The following BAZ2B variants were observed in gnomAD, a reference collection of about 807,000 sequenced individuals.
BAZ2B encodes the protein bromodomain adjacent to zinc finger domain protein 2B.
BAZ2B carries 91 observed loss-of-function variants against 246.0 expected under a neutral mutation model. The ratio of observed to expected loss-of-function variants is 0.37; its 90% CI spans 0.31 to 0.44. The LOEUF is 0.44. Among genes scored for constraint, BAZ2B ranks in the 20% least tolerant of loss-of-function variants. The probability of loss-of-function intolerance (pLI) is 1.00; values close to 1 mark genes in which losing one functional copy is unlikely to be tolerated. For missense variants in BAZ2B, 2,332 were observed against 2,533.7 expected (o/e 0.92, Z 1.71); for synonymous variants, 855 against 860.0 (o/e 0.99, Z 0.10).
At chr2:159,651,991 A>G in the BAZ2B span, among the ~76,000 whole-genome samples, 1 of 152,176 alleles carries the variant, frequency 6.6e-6, no homozygotes, top group African/African-American at 2.4e-5. Flanking sequence ...TATGAATAAT[A>G]CTGCTATAAA....
intron 27 of BAZ2B, among the ~76,000 whole-genome samples, chr2:159,351,911 A>G (rs2149174117): frequency 6.6e-6 from 1 of 152,296 alleles, no homozygotes; most frequent in African/African-American, 2.4e-5. Flanking sequence ...TTCAATCTCT[A>G]TTTCTACACT....
intron 9 of BAZ2B, among the ~76,000 whole-genome samples, chr2:159,431,377 A>T (rs2071081124): frequency 3.3e-5 from 5 of 152,230 alleles, no homozygotes; most frequent in Admixed American, 3.3e-4. Context: ...TCAACACTTT[A>T]AACAGTTCTC....
chr2:159,401,614 A>G (rs1484887259), intron 16 of BAZ2B, among the ~76,000 whole-genome samples: 1 of 152,178 alleles, frequency 6.6e-6, no homozygotes, highest in African/African-American at 2.4e-5. Context: ...ATTAATTATA[A>G]TTTAACATTC....
chr2:159,600,232 C>T (rs1691823638), intron 1 of BAZ2B, among the ~76,000 whole-genome samples: 1 of 152,050 alleles, frequency 6.6e-6, no homozygotes, highest in Non-Finnish European at 1.5e-5. Flanking sequence ...TAAGCCATAC[C>T]TCATGAGACC....
At chr2:159,582,029 T>C (rs1333460973) in intron 1 of BAZ2B, among the ~76,000 whole-genome samples, 1 of 150,558 alleles carries the variant, frequency 6.6e-6, no homozygotes, top group African/African-American at 2.4e-5. Context: ...GTAACAAACC[T>C]GCACGTTGTG....
chr2:159,634,108 T>G, the BAZ2B span, among the ~76,000 whole-genome samples: 72 of 152,324 alleles, frequency 4.7e-4, 1 homozygote, highest in African/African-American at 1.5e-3. Context: ...CAATTTTCAC[T>G]ACTGCCTTTA....
intron 13 of BAZ2B, among the ~76,000 whole-genome samples, chr2:159,419,151 C>G (rs868722390): frequency 6.6e-6 from 1 of 152,060 alleles, no homozygotes; most frequent in Non-Finnish European, 1.5e-5. Context: ...TTATATGAAA[C>G]TTTTAGAATG....
intron 16 of BAZ2B, among the ~76,000 whole-genome samples, chr2:159,401,803 C>T (rs185652869): frequency 2.0e-5 from 3 of 151,916 alleles, no homozygotes; most frequent in East Asian, 1.9e-4. Context: ...TTCCTTAATC[C>T]GTTCAAAAGT....
the BAZ2B span, among the ~76,000 whole-genome samples, chr2:159,698,417 T>A: frequency 6.6e-6 from 1 of 150,634 alleles, no homozygotes; most frequent in African/African-American, 2.5e-5. Context: ...GCTACTCAGA[T>A]GACTTGAGCC....
downstream of BAZ2B, among the ~76,000 whole-genome samples, chr2:159,315,454 T>C (rs375704540): frequency 2.0e-5 from 3 of 152,326 alleles, no homozygotes; most frequent in Admixed American, 6.5e-5. Flanking sequence ...GTCATCTGAA[T>C]GTTTAACTTG....
chr2:159,376,756 T>A (rs932282723), intron 25 of BAZ2B, among the ~76,000 whole-genome samples: 1 of 152,112 alleles, frequency 6.6e-6, no homozygotes. Context: ...TAACTGCAAT[T>A]TTTAAGACTC....
chr2:159,323,897 C>T (rs981729869), intron 36 of BAZ2B, among the ~76,000 whole-genome samples: 4 of 151,360 alleles, frequency 2.6e-5, no homozygotes, highest in African/African-American at 4.8e-5. Flanking sequence ...ATCATTTAAA[C>T]GCTTCCTTAA....
intron 10 of BAZ2B, 60 bp downstream of exon 10, chr2:159,430,803 T>C (rs2070961107): frequency 6.5e-7 from 1 of 1,547,676 alleles, no homozygotes; most frequent in Admixed American, 2.1e-5. Flanking sequence ...CTCTTATCAA[T>C]AAAAATTCTT....
At chr2:159,616,924 A>G (rs1696163072), upstream of BAZ2B, 1 of 152,192 alleles carries the variant, frequency 6.6e-6, no homozygotes. Flanking sequence ...TCTACAACCC[A>G]ACTAAATTAA....
At chr2:159,605,084 G>A (rs568648431) in intron 1 of BAZ2B, among the ~76,000 whole-genome samples, 1 of 152,138 alleles carries the variant, frequency 6.6e-6, no homozygotes, top group Non-Finnish European at 1.5e-5. Context: ...TACACAGGCT[G>A]GAGTGCAATA....
rs1394346741 is a variant in BAZ2B at position 159,438,363 on chromosome 2, T to G, written c.1233A>C (p.Ala411=). 21 of 1,614,000 alleles carry G rather than the reference T, an allele frequency of 1.3e-5. No individual in the cohort carries two copies. The Admixed American group carries it at 3.5e-4, about 27-fold the overall frequency. ...ATTCTTCAGAGGTATTTTTATTCCC[T>G]GCTTTAAGAACATCAGGAGAAGGAA... ...LIVPSPDVLK[A]GNKNTSEESS... Residue 411 remains alanine (A), a synonymous_variant, in exon 8 of 37, where the codon GCA becomes GCC. Transcript: ENST00000392783.
At chr2:159,398,014 T>C (rs1352909874) in intron 18 of BAZ2B, among the ~76,000 whole-genome samples, 1 of 152,140 alleles carries the variant, frequency 6.6e-6, no homozygotes, top group Non-Finnish European at 1.5e-5. Flanking sequence ...AGTATTTCTA[T>C]GAAGTTACAA....
intron 36 of BAZ2B, among the ~76,000 whole-genome samples, chr2:159,323,885 CA>C (rs2063078419): frequency 6.6e-6 from 1 of 151,144 alleles, no homozygotes; most frequent in South Asian, 2.1e-4. Context: ...CAGTACCAAT[CA>C]ATCATTTAAA....
the BAZ2B span, among the ~76,000 whole-genome samples, chr2:159,642,858 A>G: frequency 9.2e-5 from 14 of 152,158 alleles, no homozygotes; most frequent in African/African-American, 3.4e-4. Flanking sequence ...ATCACGTTCC[A>G]TCATTTTATC....
Sources: gnomAD v4.1 joint callset for allele counts (sites outside exome capture counted in the v4.1 genomes callset) on GRCh38, gnomAD v4.1.1 for gene constraint, MANE v1.5 for transcripts, NCBI Gene and HGNC (gene_info 2026-07-23, HGNC 2026-07-21) for gene names.